PLAGL1: variants seen among roughly 807,000 people sequenced by gnomAD.
PLAGL1 encodes the protein zinc finger protein PLAGL1.
A neutral mutation model predicts 4.6 loss-of-function variants in PLAGL1; 1 was observed. The observed-to-expected ratio is 0.22, with a 90% confidence interval of 0.08 to 1.03. The LOEUF (loss-of-function observed/expected upper bound fraction) is 1.03. PLAGL1 is among the 50% of genes least tolerant of loss of function. The probability of loss-of-function intolerance (pLI) is 0.58; values close to 1 mark genes in which losing one functional copy is unlikely to be tolerated. For missense variants in PLAGL1, 464 were observed against 570.4 expected, an observed-to-expected ratio of 0.81 and a Z score of 1.90; for synonymous variants, 240 against 237.8, an observed-to-expected ratio of 1.01 and a Z score of -0.08.
intron 1 of PLAGL1, among the ~76,000 whole-genome samples, chr6:144,045,358 A>G (rs554276415): frequency 1.3e-5 from 2 of 151,936 alleles, no homozygotes; most frequent in South Asian, 4.2e-4. Context: ...TTCCTTCAGG[A>G]GCTCTTGTAA....
At chr6:144,058,221 T>C (rs899744495) in intron 1 of PLAGL1, among the ~76,000 whole-genome samples, 9 of 152,156 alleles carry the variant, frequency 5.9e-5, no homozygotes, top group South Asian at 2.1e-4. Flanking sequence ...TGTCACATGA[T>C]GAGAGTAAGA....
At chr6:143,988,501 C>T (rs1789703545) in intron 1 of PLAGL1, among the ~76,000 whole-genome samples, 1 of 152,150 alleles carries the variant, frequency 6.6e-6, no homozygotes, top group Non-Finnish European at 1.5e-5. Flanking sequence ...GCATCAGGGG[C>T]TACTGTGGGC....
chr6:144,033,688 C>A (rs1388953381), intron 1 of PLAGL1, among the ~76,000 whole-genome samples: 1 of 152,108 alleles, frequency 6.6e-6, no homozygotes, highest in African/African-American at 2.4e-5. Context: ...AAGAGATGTC[C>A]AAGTTTAGAA....
rs1160684897 is a variant in PLAGL1 at position 144,022,342 on chromosome 6, AC to A, written c.-151+42125del. 1.3e-5 allele frequency among the ~76,000 whole-genome samples: 2 copies of A among 152,246 alleles called. No individual in the cohort carries two copies. The highest frequency in any genetic ancestry group is 6.5e-5 in the Admixed American group (1 of 15,282). The stretch of plus-strand genomic sequence containing the variant: ...ATCCAAATTAAAACAAGATACTAGT[AC>A]ATACTTACTAGAATGGCTAAATTTG... On this transcript the variant is annotated intron_variant, in intron 1 of 3. Coordinates refer to the PLAGL1 transcript ENST00000437412. This position sits in a 1 kb window ranked among gnomAD's most constrained non-coding sequence, Gnocchi z 4.2.
chr6:144,033,424 T>G (rs1442267943), intron 1 of PLAGL1, among the ~76,000 whole-genome samples: 1 of 152,142 alleles, frequency 6.6e-6, no homozygotes, highest in East Asian at 1.9e-4. Context: ...GTGGAAAGCC[T>G]TGGAATTGGG....
rs1376816907 is a variant in PLAGL1 at position 144,000,802 on chromosome 6, A to G, written c.-584+7288T>C. On this transcript the variant is annotated intron_variant, in intron 1 of 7. Coordinates refer to ENST00000674357, the MANE Select transcript of PLAGL1 (RefSeq NM_001317162.2). The surrounding 1 kb of genome is among the most constrained non-coding windows in gnomAD (Gnocchi z 4.1). ...AAATATGGAGAGCTAGACATTCTAA[A>G]ACAAACCTTTTAATACTTGCAAAGT... is the stretch of plus-strand genomic sequence containing the variant. 2.0e-5 allele frequency among the ~76,000 whole-genome samples: 3 copies of G among 152,136 alleles called. 1 individual carries two copies.
chr6:143,943,337 A>G (rs192204732), intron 7 of PLAGL1, among the ~76,000 whole-genome samples: 3 of 152,228 alleles, frequency 2.0e-5, no homozygotes, highest in Admixed American at 2.0e-4. Flanking sequence ...GAACCACATA[A>G]AGCCCCAGTT....
At chr6:144,017,914 C>T (rs1795675490) in intron 1 of PLAGL1, among the ~76,000 whole-genome samples, 1 of 152,296 alleles carries the variant, frequency 6.6e-6, no homozygotes, top group Middle Eastern at 3.4e-3. Flanking sequence ...ACTGGATTCC[C>T]TCCTTGTTTC....
chr6:144,038,529 T>C (rs1797452508), intron 1 of PLAGL1, among the ~76,000 whole-genome samples: 1 of 152,150 alleles, frequency 6.6e-6, no homozygotes, highest in Admixed American at 6.5e-5. Context: ...AACCCATATG[T>C]CTGTACCCAG....
chr6:143,956,870 G>A (rs1782255371), intron 6 of PLAGL1, among the ~76,000 whole-genome samples: 1 of 152,252 alleles, frequency 6.6e-6, no homozygotes, highest in Non-Finnish European at 1.5e-5. Context: ...TGACTCTGAT[G>A]AGCAGGGAGC....
Position 144,050,181 on chromosome 6 carries a change from C to A in PLAGL1, c.-151+14287G>T, listed in dbSNP as rs1057063917. Among the ~76,000 whole-genome samples, 3 of 152,038 alleles carry A rather than the reference C, an allele frequency of 2.0e-5. No homozygotes were observed. The highest frequency in any genetic ancestry group is 4.4e-5 in the Non-Finnish European group (3 of 68,006). On this transcript the variant is annotated intron_variant, in intron 1 of 3. Transcript: ENST00000437412. The surrounding 1 kb of genome is among the most constrained non-coding windows in gnomAD (Gnocchi z 4.3). ...GGTGAGTTTTGAGGGAAATTGAGAC[C>A]ACCTAAGGGAACAAGAGATTCACAT...
chr6:143,991,921 A>C (rs896086705), intron 1 of PLAGL1, among the ~76,000 whole-genome samples: 1 of 152,224 alleles, frequency 6.6e-6, no homozygotes, highest in African/African-American at 2.4e-5. Context: ...CATTAAGAGA[A>C]GGGAAGACAG....
chr6:143,977,818 G>A (rs1441646101), intron 2 of PLAGL1, among the ~76,000 whole-genome samples: 1 of 151,986 alleles, frequency 6.6e-6, no homozygotes, highest in Non-Finnish European at 1.5e-5. Flanking sequence ...TCTTTTTGGT[G>A]CTGATTGATT....
rs545903717 is a variant in PLAGL1, at chr6:144,014,471, A to G, written c.-150-45493T>C. 3.3e-5 allele frequency among the ~76,000 whole-genome samples: 5 copies of G among 152,220 alleles called. No homozygotes were observed. The East Asian group carries it at 9.7e-4, about 29-fold the overall frequency. Reference sequence around the variant, plus strand: ...AAAAAGACAGTCGGGTACTGACATAAGGGTACCGACAGTAGGGTACTGACA... The same window carrying G: ...AAAAAGACAGTCGGGTACTGACATAGGGGTACCGACAGTAGGGTACTGACA... On this transcript the variant is annotated intron_variant, in intron 1 of 3. Transcript: ENST00000437412.
At position 143,962,300 on chromosome 6, in the gene PLAGL1, T is replaced by C. The variant is rs192209641; in HGVS notation, c.-398-1758A>G. Among the ~76,000 whole-genome samples the C allele has an allele frequency of 1.3e-5, 2 of 152,326 alleles. No homozygotes were observed. Among genetic ancestry groups the C allele is most frequent in the Admixed American group, 1.3e-4 (2 of 15,300 alleles). Reference sequence around the variant, plus strand: ...GCAGATTGCTTTTCAGGTCAGAATTTAGATTTCTAAAGCAGAGGGAAAAAA... The same window carrying C: ...GCAGATTGCTTTTCAGGTCAGAATTCAGATTTCTAAAGCAGAGGGAAAAAA... On this transcript the variant is annotated intron_variant, in intron 5 of 7. Transcript: ENST00000674357. The surrounding 1 kb of genome is among the most constrained non-coding windows in gnomAD (Gnocchi z 5.3).
At chr6:144,017,092 G>A (rs993793074) in intron 1 of PLAGL1, among the ~76,000 whole-genome samples, 4 of 151,832 alleles carry the variant, frequency 2.6e-5, no homozygotes, top group South Asian at 2.1e-4. Context: ...ATAAAAACTC[G>A]AAAAAATCTT....
chr6:143,988,148 C>T (rs147130052), intron 1 of PLAGL1, among the ~76,000 whole-genome samples: 226 of 152,286 alleles, frequency 1.5e-3, no homozygotes, highest in African/African-American at 1.4e-3. Flanking sequence ...TCTTCCTCTG[C>T]GGCTAAACAC....
rs1042086961 is a variant in PLAGL1 at position 144,039,135 on chromosome 6, T to G, written c.-151+25333A>C. On this transcript the variant is annotated intron_variant, in intron 1 of 3. Coordinates refer to the PLAGL1 transcript ENST00000437412. This position sits in a 1 kb window ranked among gnomAD's most constrained non-coding sequence, Gnocchi z 4.1. Reference sequence around the variant, plus strand: ...AGATAGGTTTGCTATTCCAGAATTATAAAAAGTGATTACAAATAAATAAGG... The same window carrying G: ...AGATAGGTTTGCTATTCCAGAATTAGAAAAAGTGATTACAAATAAATAAGG... Among the ~76,000 whole-genome samples, 1 of 151,998 alleles carries G rather than the reference T, an allele frequency of 6.6e-6. No individual in the cohort carries two copies. Among genetic ancestry groups the G allele is most frequent in the African/African-American group, 2.4e-5 (1 of 41,354 alleles).
chr6:143,980,075 G>A (rs1049392848), intron 2 of PLAGL1, among the ~76,000 whole-genome samples: 5 of 152,024 alleles, frequency 3.3e-5, no homozygotes, highest in Non-Finnish European at 5.9e-5. Flanking sequence ...CCTTCTGACA[G>A]GAAGCCTTCT....
Sources: gnomAD v4.1 joint callset for allele counts (sites outside exome capture counted in the v4.1 genomes callset) on GRCh38, gnomAD v4.1.1 for gene constraint, Gnocchi (gnomAD v3.1) non-coding constraint, MANE v1.5 for transcripts, NCBI Gene and HGNC (gene_info 2026-07-23, HGNC 2026-07-21) for gene names.